Variants in GPC5 observed in about 807,000 individuals in gnomAD.
GPC5 encodes the protein glypican 5.
Under a neutral mutation model 53.9 loss-of-function variants are expected in GPC5, and 47 were observed. That is an observed-to-expected ratio of 0.87 (90% CI 0.69 to 1.11). GPC5 has a LOEUF of 1.11. GPC5 is among the 50% of genes most tolerant of loss of function. GPC5 has a pLI of 0.00. For missense variants in GPC5, 748 were observed against 713.1 expected (o/e 1.05, Z -0.56); for synonymous variants, 286 against 263.3 (o/e 1.09, Z -0.84).
chr13:92,009,341 T>C (rs2040639797), intron 6 of GPC5, among the ~76,000 whole-genome samples: 1 of 151,358 alleles, frequency 6.6e-6, no homozygotes, highest in Non-Finnish European at 1.5e-5. Context: ...GGAGATCAGC[T>C]TGATTTTATT....
At chr13:92,752,513 G>A (rs919642430) in intron 7 of GPC5, among the ~76,000 whole-genome samples, 37 of 152,130 alleles carry the variant, frequency 2.4e-4, no homozygotes, top group Non-Finnish European at 3.5e-4. Context: ...GAATAGCTCC[G>A]GTCTACAGCT....
At chr13:92,579,292 TCTCTCTCTCC>T (rs1566302778) in intron 7 of GPC5, among the ~76,000 whole-genome samples, 9 of 69,684 alleles carry the variant, frequency 1.3e-4, no homozygotes, top group Non-Finnish European at 2.0e-4. Context: ...TCTCTCTCTC[TCTCTCTCTCC>T]CTCCCTCCCT....
rs375810301 is a variant in GPC5 at position 92,348,886 on chromosome 13, AAC to A, written c.1561+203901_1561+203902del. 5.4e-3 allele frequency among the ~76,000 whole-genome samples: 822 copies of A among 152,330 alleles called. 7 individuals carry two copies. Among genetic ancestry groups the A allele is most frequent in the African/African-American group, 0.019 (788 of 41,574 alleles). On this transcript the variant is annotated intron_variant, in intron 7 of 7. Coordinates refer to ENST00000377067, the MANE Select transcript of GPC5 (RefSeq NM_004466.6). ...ATATCTTGAGACAAACAAAAGTGGA[AAC>A]ACAACATGCCAAAACTTATGGAATA... is the stretch of plus-strand genomic sequence containing the variant.
intron 7 of GPC5, among the ~76,000 whole-genome samples, chr13:92,216,167 T>C (rs1055143230): frequency 3.3e-5 from 5 of 152,204 alleles, no homozygotes; most frequent in Admixed American, 1.3e-4. Context: ...TCCTCCACTG[T>C]CACTGGTGAA....
chr13:92,291,628 C>A (rs1419418369), intron 7 of GPC5, among the ~76,000 whole-genome samples: 2 of 152,176 alleles, frequency 1.3e-5, no homozygotes, highest in Non-Finnish European at 2.9e-5. Flanking sequence ...GCTGCTGGAG[C>A]CAGCAGTGGC....
chr13:91,769,505 A>C (rs1594545444), intron 5 of GPC5, among the ~76,000 whole-genome samples: 1 of 152,204 alleles, frequency 6.6e-6, no homozygotes, highest in Admixed American at 6.5e-5. Context: ...ATCCAGGAAA[A>C]CCTTCTCTGG....
rs12872459 is a variant in GPC5 at position 92,388,361 on chromosome 13, G to C, written c.1561+243372G>C. 9.4e-3 allele frequency among the ~76,000 whole-genome samples: 1,428 copies of C among 151,972 alleles called. 24 individuals carry two copies. The highest frequency in any genetic ancestry group is 0.051 in the Middle Eastern group (15 of 292). On this transcript the variant is annotated intron_variant, in intron 7 of 7. Coordinates refer to ENST00000377067, the MANE Select transcript of GPC5 (RefSeq NM_004466.6). ...TAGTATTACCTTACTGTAATCTCTG[G>C]TAACTAAGTTTATGACATTTAACTG...
chr13:92,733,658 C>T (rs754547940), intron 7 of GPC5, among the ~76,000 whole-genome samples: 1 of 151,680 alleles, frequency 6.6e-6, no homozygotes, highest in African/African-American at 2.4e-5. Flanking sequence ...GTACATAGTT[C>T]ATATTTCTCT....
At chr13:92,593,321 G>T (rs1883773332) in intron 7 of GPC5, among the ~76,000 whole-genome samples, 1 of 151,240 alleles carries the variant, frequency 6.6e-6, no homozygotes, top group African/African-American at 2.4e-5. Context: ...AAGGCAGGGA[G>T]TAAGGAGACT....
intron 7 of GPC5, among the ~76,000 whole-genome samples, chr13:92,796,381 G>A (rs1876682626): frequency 6.6e-6 from 1 of 151,990 alleles, no homozygotes; most frequent in African/African-American, 2.4e-5. Context: ...GCCTGAGGGA[G>A]GGATAGCATT....
intron 1 of GPC5, among the ~76,000 whole-genome samples, chr13:91,403,054 G>T (rs1877065361): frequency 6.6e-6 from 1 of 152,134 alleles, no homozygotes; most frequent in Non-Finnish European, 1.5e-5. Context: ...TTAGAATGTT[G>T]GTGGCCATAG....
rs1555338271 is a variant in GPC5, at chr13:92,487,855, A to AAAG, written c.1561+342868_1561+342869insGAA. Among the ~76,000 whole-genome samples, 68 of 146,122 alleles carry AAAG rather than the reference A, an allele frequency of 4.7e-4. 1 individual carries two copies. Among genetic ancestry groups the AAAG allele is most frequent in the African/African-American group, 1.6e-3 (65 of 39,626 alleles). On this transcript the variant is annotated intron_variant, in intron 7 of 7. Coordinates refer to ENST00000377067, the MANE Select transcript of GPC5 (RefSeq NM_004466.6). Reference sequence around the variant, plus strand: ...ATAAATATAGTAAAAAAAAAAAAAAAAAAAAGAAAGTAAAACCTATGCTAT... The same window carrying AAAG: ...ATAAATATAGTAAAAAAAAAAAAAAAAAGAAAAAGAAAGTAAAACCTATGCTAT...
chr13:92,118,523 G>A (rs1411803761), intron 6 of GPC5, among the ~76,000 whole-genome samples: 1 of 152,066 alleles, frequency 6.6e-6, no homozygotes, highest in East Asian at 1.9e-4. Context: ...TGGCTTCCAG[G>A]TAGAGCTGAG....
At chr13:92,735,136 C>T (rs940384720) in intron 7 of GPC5, among the ~76,000 whole-genome samples, 15 of 151,934 alleles carry the variant, frequency 9.9e-5, no homozygotes, top group African/African-American at 1.9e-4. Flanking sequence ...TACAAACATA[C>T]GGCATTTGTA....
At chr13:92,484,947 G>A (rs911217077) in intron 7 of GPC5, among the ~76,000 whole-genome samples, 7 of 152,026 alleles carry the variant, frequency 4.6e-5, no homozygotes, top group African/African-American at 1.7e-4. Flanking sequence ...GGTTGACCAA[G>A]TTGGTCTCGA....
intron 7 of GPC5, among the ~76,000 whole-genome samples, chr13:92,250,678 T>A (rs547776911): frequency 1.3e-5 from 2 of 152,242 alleles, no homozygotes; most frequent in African/African-American, 4.8e-5. Context: ...AATTTCTTCA[T>A]GTTTATAAAA....
At chr13:92,677,274 A>T (rs555842508) in intron 7 of GPC5, among the ~76,000 whole-genome samples, 18 of 152,304 alleles carry the variant, frequency 1.2e-4, no homozygotes, top group Middle Eastern at 3.4e-3. Context: ...CTCTTTTATA[A>T]TCACATCACT....
intron 7 of GPC5, among the ~76,000 whole-genome samples, chr13:92,550,169 T>G (rs1415228036): frequency 2.0e-5 from 3 of 151,914 alleles, no homozygotes; most frequent in African/African-American, 7.2e-5. Flanking sequence ...AGATGTATAT[T>G]TATGTATTAT....
chr13:92,462,219 C>G (rs528343575), intron 7 of GPC5, among the ~76,000 whole-genome samples: 31 of 152,160 alleles, frequency 2.0e-4, no homozygotes, highest in African/African-American at 6.5e-4. Context: ...TTGGCTGGCT[C>G]ATTGAAAACA....
Sources: allele counts gnomAD v4.1 joint callset (sites outside exome capture counted in the v4.1 genomes callset), GRCh38; gene constraint gnomAD v4.1.1; transcripts MANE v1.5; gene names NCBI Gene and HGNC (gene_info 2026-07-23, HGNC 2026-07-21).